Variants in EEIG2 observed in about 807,000 individuals in gnomAD.
EEIG2 encodes family with sequence similarity 102 member B.
the EEIG2 span, among the ~76,000 whole-genome samples, chr1:108,564,707 C>T: frequency 6.6e-6 from 1 of 152,108 alleles, no homozygotes; most frequent in Non-Finnish European, 1.5e-5. Context: ...CTTTGGGAGG[C>T]CGAGACACGC....
At chr1:108,611,001 G>A in the EEIG2 span, among the ~76,000 whole-genome samples, 1 of 152,262 alleles carries the variant, frequency 6.6e-6, no homozygotes, top group East Asian at 1.9e-4. Context: ...AAATTAGGTG[G>A]GTATTACTGC....
At chr1:108,621,255 G>A in the EEIG2 span, among the ~76,000 whole-genome samples, 123,059 of 152,100 alleles carry the variant, frequency 0.81, 52,035 homozygotes, top group Non-Finnish European at 0.93. Flanking sequence ...GAACAAAAGG[G>A]GTAATGGAAC....
chr1:108,584,166 A>T, the EEIG2 span, among the ~76,000 whole-genome samples: 3 of 152,140 alleles, frequency 2.0e-5, no homozygotes, highest in Non-Finnish European at 4.4e-5. Context: ...AGAAAAATGC[A>T]ATTGGGTAAA....
chr1:108,560,113 CGGCGGCGGA>C, the EEIG2 span: 568 of 176,314 alleles, frequency 3.2e-3, 2 homozygotes, highest in African/African-American at 0.012. Flanking sequence ...CGGGCGGCAG[CGGCGGCGGA>C]GGCGGCGGCG....
chr1:108,583,669 A>G, the EEIG2 span, among the ~76,000 whole-genome samples: 2 of 152,084 alleles, frequency 1.3e-5, no homozygotes, highest in African/African-American at 2.4e-5. Flanking sequence ...AGTGAGGTAT[A>G]TGACAGTATG....
the EEIG2 span, among the ~76,000 whole-genome samples, chr1:108,582,749 G>C: frequency 6.6e-6 from 1 of 152,154 alleles, no homozygotes; most frequent in African/African-American, 2.4e-5. Flanking sequence ...AAGATCTTCA[G>C]GGTAGAAATG....
the EEIG2 span, among the ~76,000 whole-genome samples, chr1:108,632,567 T>C: frequency 3.0e-4 from 46 of 152,340 alleles, no homozygotes; most frequent in Middle Eastern, 3.4e-3. Flanking sequence ...GTATGAATGA[T>C]GGAGTGAACA....
chr1:108,599,250 C>T, the EEIG2 span, among the ~76,000 whole-genome samples: 3 of 152,048 alleles, frequency 2.0e-5, no homozygotes, highest in Non-Finnish European at 4.4e-5. Flanking sequence ...AGTTTGACTG[C>T]CTGTCACATT....
At chr1:108,568,521 A>G in the EEIG2 span, among the ~76,000 whole-genome samples, 1 of 152,158 alleles carries the variant, frequency 6.6e-6, no homozygotes, top group South Asian at 2.1e-4. Flanking sequence ...TACATTCCTA[A>G]TTTTATTTGA....
At chr1:108,564,814 G>C in the EEIG2 span, among the ~76,000 whole-genome samples, 1 of 151,930 alleles carries the variant, frequency 6.6e-6, no homozygotes. Flanking sequence ...AGATGTGGTG[G>C]TGGGCACCTG....
the EEIG2 span, among the ~76,000 whole-genome samples, chr1:108,622,757 GTC>G: frequency 6.6e-6 from 1 of 152,206 alleles, no homozygotes; most frequent in Non-Finnish European, 1.5e-5. Context: ...AATCTTAAAT[GTC>G]TCTATCCCCA....
At chr1:108,568,907 G>A in the EEIG2 span, among the ~76,000 whole-genome samples, 4 of 152,164 alleles carry the variant, frequency 2.6e-5, no homozygotes, top group Admixed American at 6.5e-5. Context: ...GAGAAATTTA[G>A]TTTTTGCTGG....
the EEIG2 span, among the ~76,000 whole-genome samples, chr1:108,571,545 T>C: frequency 1.3e-5 from 2 of 152,096 alleles, no homozygotes; most frequent in South Asian, 4.1e-4. Context: ...TTAGGGAGAA[T>C]AGGTGACCAA....
the EEIG2 span, among the ~76,000 whole-genome samples, chr1:108,580,767 G>A: frequency 2.6e-5 from 4 of 152,144 alleles, no homozygotes; most frequent in Non-Finnish European, 5.9e-5. Flanking sequence ...TTTGAAGCTA[G>A]CATAGGTTGA....
At chr1:108,568,934 C>T in the EEIG2 span, among the ~76,000 whole-genome samples, 1 of 152,052 alleles carries the variant, frequency 6.6e-6, no homozygotes, top group Non-Finnish European at 1.5e-5. Context: ...GTATGCCTAA[C>T]GAAACACTGA....
chr1:108,614,833 T>C, the EEIG2 span, among the ~76,000 whole-genome samples: 6 of 152,228 alleles, frequency 3.9e-5, no homozygotes, highest in African/African-American at 7.2e-5. Context: ...CTTCAACTAC[T>C]GTCCCACATC....
At chr1:108,602,991 T>G in the EEIG2 span, among the ~76,000 whole-genome samples, 5 of 152,282 alleles carry the variant, frequency 3.3e-5, no homozygotes, top group Non-Finnish European at 5.9e-5. Flanking sequence ...GGCCCTAAAG[T>G]ATAATAAACA....
the EEIG2 span, among the ~76,000 whole-genome samples, chr1:108,630,919 C>A: frequency 6.6e-5 from 10 of 152,156 alleles, no homozygotes; most frequent in African/African-American, 2.2e-4. Context: ...GCATTCATTT[C>A]TTTTACTAAT....
At chr1:108,560,861 T>C in the EEIG2 span, among the ~76,000 whole-genome samples, 2 of 152,092 alleles carry the variant, frequency 1.3e-5, no homozygotes, top group African/African-American at 4.8e-5. Context: ...ATTTCCATAT[T>C]TGTGAAATGC....
Sources: allele counts gnomAD v4.1 joint callset (sites outside exome capture counted in the v4.1 genomes callset), GRCh38; gene constraint gnomAD v4.1.1; transcripts MANE v1.5; gene names NCBI Gene and HGNC (gene_info 2026-07-23, HGNC 2026-07-21).